The following ITPR3 variants were observed in gnomAD, a reference collection of about 807,000 sequenced individuals.
The protein encoded by ITPR3 is inositol 1,4,5-trisphosphate receptor type 3.
In ITPR3, 173 loss-of-function variants were observed where a neutral mutation model predicts 293.2. That is an observed-to-expected ratio of 0.59 (90% CI 0.52 to 0.67). ITPR3 has a LOEUF of 0.67. Among genes scored for constraint, ITPR3 ranks in the 30% least tolerant of loss-of-function variants. The pLI is 0.00. For synonymous variants in ITPR3, 1,295 were observed against 1,444.4 expected (o/e 0.90, Z 2.35); for missense variants, 2,796 against 3,592.1 (o/e 0.78, Z 5.66).
At chr6:33,680,736 G>T in intron 33 of ITPR3, 56 bp downstream of exon 33, 8 of 1,569,426 alleles carry the variant, frequency 5.1e-6, no homozygotes, top group Admixed American at 1.8e-5. Context: ...TTTGTGAAGG[G>T]AAGGGGGGAA....
In ITPR3 at chr6:33,665,100, G is replaced by A. The variant is rs779101282; in HGVS notation, c.1296G>A (p.Val432=). 2 of 1,614,120 alleles carry A rather than the reference G, an allele frequency of 1.2e-6. No individual in the cohort carries two copies. Among genetic ancestry groups the A allele is most frequent in the East Asian group, 2.2e-5 (1 of 44,872 alleles). The part of the protein sequence containing the change: ...TKEDKEAFAI[V]SVPVSEIRDL... The stretch of plus-strand genomic sequence containing the variant: ...AGGACAAGGAGGCCTTTGCCATCGT[G>A]TCAGTGCCCGTGTCTGAGATCCGAG... Residue 432 remains valine, a synonymous_variant, in exon 13 of 58, where the codon GTG becomes GTA. Coordinates refer to ENST00000605930, the MANE Select transcript of ITPR3 (RefSeq NM_002224.4).
chr6:33,656,750 G>GCCTGGGC (rs1449447406), intron 3 of ITPR3, among the ~76,000 whole-genome samples: 2 of 152,212 alleles, frequency 1.3e-5, no homozygotes, highest in Admixed American at 6.5e-5. Context: ...GAACTTTGTA[G>GCCTGGGC]CCTGGGCCCT....
At chr6:33,665,293 A>C in intron 13 of ITPR3, 80 bp downstream of exon 13, 2 of 1,537,586 alleles carry the variant, frequency 1.3e-6, no homozygotes, top group South Asian at 2.5e-5. Flanking sequence ...GGAGTCATGA[A>C]GCAGAAGCTG....
intron 1 of ITPR3, among the ~76,000 whole-genome samples, chr6:33,636,717 C>T (rs550485144): frequency 6.6e-6 from 1 of 151,686 alleles, no homozygotes; most frequent in South Asian, 2.1e-4. Flanking sequence ...GCAGAGATGC[C>T]GAGTAGGCAG....
At position 33,696,232 on chromosome 6, in the gene ITPR3, G is replaced by C. The variant is rs1267518873; in HGVS notation, c.*452G>C. On this transcript the variant is annotated 3_prime_UTR_variant, in exon 58 of 58. Transcript: ENST00000605930. ...GGCTTTGTTATTTAACTTATTTCAA[G>C]GGTGCTGTGCTCAGCCCTGCCCATG... The C allele has an allele frequency of 3.6e-5, 7 of 193,424 alleles. No homozygotes were observed. The highest frequency in any genetic ancestry group is 6.6e-5 in the Non-Finnish European group (6 of 91,232). The allele number at this position is 193,424 out of a possible 1,614,324, so 12.0% of individuals were successfully genotyped here.
rs572629427 is a variant in ITPR3 at position 33,683,726 on chromosome 6, T to C, written c.4789-294T>C. The stretch of plus-strand genomic sequence containing the variant: ...TTCTGTGCGCTGTCTCGTTGGCCTG[T>C]AGAGGGGGTGTGGTGGATTATTTTC... On this transcript the variant is annotated intron_variant, in intron 35 of 57. Coordinates refer to ENST00000605930, the MANE Select transcript of ITPR3 (RefSeq NM_002224.4). The surrounding 1 kb of genome is among the most constrained non-coding windows in gnomAD (Gnocchi z 4.5). 6.6e-6 allele frequency among the ~76,000 whole-genome samples: 1 copy of C among 152,120 alleles called. No homozygotes were observed. The highest frequency in any genetic ancestry group is 2.1e-4 in the South Asian group (1 of 4,816).
At chr6:33,643,329 G>A (rs377096805) in intron 2 of ITPR3, among the ~76,000 whole-genome samples, 246 of 152,208 alleles carry the variant, frequency 1.6e-3, no homozygotes, top group African/African-American at 5.5e-3. Context: ...GGCTGGACTC[G>A]CAAAGCCCCC....
chr6:33,662,108 T>A (rs934743076), intron 7 of ITPR3, among the ~76,000 whole-genome samples: 1 of 149,366 alleles, frequency 6.7e-6, no homozygotes, highest in Non-Finnish European at 1.5e-5. Context: ...GAAGTGGGCA[T>A]GAGCTACCAA....
chr6:33,676,961 G>C, intron 26 of ITPR3, 29 bp downstream of exon 26: 3 of 1,614,006 alleles, frequency 1.9e-6, no homozygotes, highest in Non-Finnish European at 2.5e-6. Flanking sequence ...GGCCAGGGCA[G>C]GCCTCCCTGT....
At chr6:33,688,006 A>C (rs1765282706) in intron 46 of ITPR3, 51 bp from the exon 47 acceptor site, 5 of 1,459,958 alleles carry the variant, frequency 3.4e-6, no homozygotes, top group Admixed American at 1.8e-5. Flanking sequence ...GCTGAGTGCC[A>C]GCCTGGATGT....
rs1202745563 is a variant in ITPR3, at chr6:33,680,001, C to T, written c.4092C>T (p.Tyr1364=). The T allele has an allele frequency of 6.2e-7, 1 of 1,613,830 alleles. No homozygotes were observed. The highest frequency in any genetic ancestry group is 2.2e-5 in the East Asian group (1 of 44,892). ...DGVEDHSPLM[Y]HISLVDLLAA... Reference sequence around the variant, plus strand: ...TGGAGGACCACAGCCCCCTCATGTACCACATTTCCCTGGTGGACCTGCTGG... The same window carrying T: ...TGGAGGACCACAGCCCCCTCATGTATCACATTTCCCTGGTGGACCTGCTGG... Residue 1364 remains tyrosine (Y), a synonymous_variant, in exon 31 of 58, where the codon TAC becomes TAT. Transcript: ENST00000605930.
intron 24 of ITPR3, among the ~76,000 whole-genome samples, chr6:33,674,726 A>G (rs1274798858): frequency 6.6e-6 from 1 of 152,254 alleles, no homozygotes; most frequent in African/African-American, 2.4e-5. Context: ...GTAAACTCAT[A>G]AAATAAAGCA....
chr6:33,658,674 T>G lies in ITPR3; in HGVS notation c.374T>G (p.Leu125Arg). The G allele has an allele frequency of 1.2e-6, 2 of 1,613,982 alleles. No individual in the cohort carries two copies. The highest frequency in any genetic ancestry group is 2.2e-5 in the South Asian group (2 of 91,080). ...VVKYGSVIQLLHMKSNKYLTV... is the reference protein window; with the variant it reads ...VVKYGSVIQLRHMKSNKYLTV... ...CGCACCCCACCTGACCCCCAGCTCC[T>G]GCACATGAAGAGCAACAAGTACCTG... The change falls in exon 5 of 58, where the codon CTG (leucine) becomes CGG (arginine). Residue 125 changes from leucine to arginine, a missense_variant. By Grantham distance (102) the Leu-to-Arg change is moderately radical. Coordinates refer to ENST00000605930, the MANE Select transcript of ITPR3 (RefSeq NM_002224.4). This position sits in a 1 kb window ranked among gnomAD's most constrained non-coding sequence, Gnocchi z 6.1.
Position 33,693,814 on chromosome 6 carries a change from G to A in ITPR3, c.7785+109G>A, listed in dbSNP as rs1765461255. ...TAGCTTCTGAGTACCCTGGGCCCTG[G>A]AGAGGAGTGGCCCTATCTGACTGTT... On this transcript the variant is annotated intron_variant, in intron 56 of 57. Transcript: ENST00000605930. 1.2e-5 allele frequency: 16 copies of A among 1,295,568 alleles called. No homozygotes were observed. The South Asian group carries it at 2.1e-4, about 17-fold the overall frequency. The allele number at this position is 1,295,568 out of a possible 1,614,324, so 80.3% of individuals were successfully genotyped here.
At chr6:33,635,172 C>A (rs1185717922) in intron 1 of ITPR3, among the ~76,000 whole-genome samples, 4 of 152,210 alleles carry the variant, frequency 2.6e-5, no homozygotes, top group African/African-American at 9.6e-5. Flanking sequence ...TTATTCAAGG[C>A]TCTGAGCAGT....
chr6:33,628,868 C>A (rs374387709), intron 1 of ITPR3, among the ~76,000 whole-genome samples: 1 of 152,036 alleles, frequency 6.6e-6, no homozygotes, highest in South Asian at 2.1e-4. Context: ...CCAGCCAGCC[C>A]GCCAGCCAGC....
chr6:33,680,264 T>A (rs185041131), intron 31 of ITPR3, 65 bp from the exon 32 acceptor site: 1 of 1,583,584 alleles, frequency 6.3e-7, no homozygotes, highest in African/African-American at 1.3e-5. Flanking sequence ...GACAGGAGCA[T>A]TGTGGCAGGG....
intron 1 of ITPR3, among the ~76,000 whole-genome samples, chr6:33,636,576 T>C (rs1483459460): frequency 6.6e-6 from 1 of 151,818 alleles, no homozygotes; most frequent in Non-Finnish European, 1.5e-5. Flanking sequence ...CCAAGGTTTT[T>C]GGACCAAGCA....
chr6:33,626,410 G>A (rs1223104693), intron 1 of ITPR3, among the ~76,000 whole-genome samples: 2 of 152,170 alleles, frequency 1.3e-5, no homozygotes, highest in Admixed American at 6.5e-5. Flanking sequence ...GCTAAGGTCT[G>A]GGTGTTAGAT....
Sources: gnomAD v4.1 joint callset for allele counts (sites outside exome capture counted in the v4.1 genomes callset) on GRCh38, gnomAD v4.1.1 for gene constraint, Gnocchi (gnomAD v3.1) non-coding constraint, MANE v1.5 for transcripts, NCBI Gene and HGNC (gene_info 2026-07-23, HGNC 2026-07-21) for gene names.